Variants in TAAR5 observed in about 807,000 individuals in gnomAD.
TAAR5 encodes the protein trace amine associated receptor 5.
A neutral mutation model predicts 21.1 loss-of-function variants in TAAR5; 27 were observed. The ratio of observed to expected loss-of-function variants is 1.28; its 90% CI spans 0.94 to 1.76. The LOEUF is 1.76. TAAR5 is among the 40% of genes most tolerant of loss of function. TAAR5 has a pLI of 0.00. For synonymous variants in TAAR5, 203 were observed against 167.5 expected, an observed-to-expected ratio of 1.21 and a Z score of -1.64; for missense variants, 495 against 405.6, an observed-to-expected ratio of 1.22 and a Z score of -1.89.
rs1464228011 is a variant in TAAR5 at position 132,588,786 on chromosome 6, T to C, written c.901A>G (p.Asn301Asp). ...TAGGAAAAGACATAGATGATGGGGT[T>C]GCAGGCTGAGTTGAAGTAAGCAAAC... ...IWFAYFNSAC[N>D]PIIYVFSYQW... Residue 301 changes from asparagine (N) to aspartate (D), a missense_variant, in exon 1 of 1, where the codon AAC (asparagine) becomes GAC (aspartate). Asn to Asp is a conservative substitution (Grantham distance 23). Transcript: ENST00000258034. The C allele has an allele frequency of 3.1e-6, 5 of 1,614,100 alleles. No individual in the cohort carries two copies. The highest frequency in any genetic ancestry group is 4.2e-6 in the Non-Finnish European group (5 of 1,180,012).
Position 132,588,841 on chromosome 6 carries a change from T to C in TAAR5, c.846A>G (p.Thr282=), listed in dbSNP as rs939379422. ...TMVDSLLHFI[T]PPLVFDIFIW... ...TAAAGATGTCAAAGACCAGTGGGGG[T>C]GTGATAAAGTGAAGGAGGCTGTCGA... The change falls in exon 1 of 1, where the codon ACA becomes ACG. Residue 282 remains threonine, a synonymous_variant. Coordinates refer to ENST00000258034, the MANE Select transcript of TAAR5 (RefSeq NM_003967.3). 2 of 1,612,908 alleles carry C rather than the reference T, an allele frequency of 1.2e-6. No individual in the cohort carries two copies. Among genetic ancestry groups the C allele is most frequent in the African/African-American group, 2.7e-5 (2 of 74,520 alleles).
chr6:132,605,611 T>G, the TAAR5 span, among the ~76,000 whole-genome samples: 9 of 151,956 alleles, frequency 5.9e-5, no homozygotes, highest in Admixed American at 2.0e-4. Flanking sequence ...CACACACACA[T>G]GCACACACAC....
At chr6:132,599,323 C>CT in the TAAR5 span, among the ~76,000 whole-genome samples, 463 of 98,462 alleles carry the variant, frequency 4.7e-3, 11 homozygotes, top group Middle Eastern at 0.013. Context: ...CTTTTCTTTT[C>CT]TTTTTTTTTT....
Position 132,589,247 on chromosome 6 carries a change from G to A in TAAR5, c.440C>T (p.Thr147Ile). Residue 147 changes from threonine to isoleucine, a missense_variant, in exon 1 of 1, where the codon ACA (threonine) becomes ATA (isoleucine). Thr to Ile is a moderately conservative substitution (Grantham distance 89). Transcript: ENST00000258034. ...GATGTACCTGAGAGCCACCCTCACT[G>A]TGAACTTGGAGGGATAGAGCAGGGG... ...CDPLLYPSKF[T>I]VRVALRYILA... The A allele has an allele frequency of 6.2e-7, 1 of 1,607,992 alleles. No homozygotes were observed. The highest frequency in any genetic ancestry group is 8.5e-7 in the Non-Finnish European group (1 of 1,176,784).
chr6:132,616,432 G>A, the TAAR5 span, among the ~76,000 whole-genome samples: 1 of 152,160 alleles, frequency 6.6e-6, no homozygotes, highest in East Asian at 1.9e-4. Flanking sequence ...AAATGTGGAT[G>A]AGCCTACGGA....
At chr6:132,600,701 A>G in the TAAR5 span, among the ~76,000 whole-genome samples, 2 of 151,990 alleles carry the variant, frequency 1.3e-5, no homozygotes, top group South Asian at 2.1e-4. Flanking sequence ...AAGAAGAAAA[A>G]AACTAATATA....
At chr6:132,607,911 A>G in the TAAR5 span, among the ~76,000 whole-genome samples, 89 of 152,322 alleles carry the variant, frequency 5.8e-4, no homozygotes, top group African/African-American at 2.1e-3. Context: ...ACTTTTTAAA[A>G]AATTCTTATA....
the TAAR5 span, chr6:132,595,245 G>A: frequency 6.5e-6 from 1 of 153,686 alleles, no homozygotes; most frequent in African/African-American, 2.4e-5. Flanking sequence ...TCGGGGAGTG[G>A]AGCTGCTTGA....
the TAAR5 span, among the ~76,000 whole-genome samples, chr6:132,602,141 C>T: frequency 6.6e-6 from 1 of 152,020 alleles, no homozygotes; most frequent in Non-Finnish European, 1.5e-5. Flanking sequence ...AAGCAGCCAT[C>T]CCCAACCTTT....
At chr6:132,608,093 A>G in the TAAR5 span, 7 of 336,962 alleles carry the variant, frequency 2.1e-5, no homozygotes, top group Non-Finnish European at 4.0e-5. Flanking sequence ...TAGTGAATGT[A>G]CCTCTTGTGT....
At chr6:132,595,989 T>A in the TAAR5 span, among the ~76,000 whole-genome samples, 2,950 of 152,312 alleles carry the variant, frequency 0.019, 42 homozygotes, top group Middle Eastern at 0.058. Flanking sequence ...GAAACATTTA[T>A]CTCTCCAGTA....
At chr6:132,590,086 G>T (rs989212643), upstream of TAAR5, among the ~76,000 whole-genome samples, 1 of 152,178 alleles carries the variant, frequency 6.6e-6, no homozygotes, top group African/African-American at 2.4e-5. Context: ...TTTTGATAAG[G>T]TATTTTTTGT....
the TAAR5 span, among the ~76,000 whole-genome samples, chr6:132,612,930 A>G: frequency 2.0e-5 from 3 of 152,190 alleles, no homozygotes; most frequent in Non-Finnish European, 2.9e-5. Flanking sequence ...CTTATTGATC[A>G]CAGTCACGAC....
the TAAR5 span, among the ~76,000 whole-genome samples, chr6:132,597,248 A>T: frequency 7.2e-5 from 11 of 152,314 alleles, no homozygotes; most frequent in African/African-American, 2.6e-4. Context: ...ATAATAAGGA[A>T]ATGGTTAAAC....
the TAAR5 span, among the ~76,000 whole-genome samples, chr6:132,612,701 C>G: frequency 6.6e-6 from 1 of 152,156 alleles, no homozygotes; most frequent in African/African-American, 2.4e-5. Context: ...TGTCTTGGCT[C>G]TTTTCAGTCC....
At chr6:132,608,565 T>C in the TAAR5 span, 2 of 455,974 alleles carry the variant, frequency 4.4e-6, no homozygotes, top group Non-Finnish European at 8.8e-6. Flanking sequence ...CTGCCCCCTT[T>C]GTGTTTTCAG....
At chr6:132,610,021 T>C in the TAAR5 span, among the ~76,000 whole-genome samples, 1 of 152,152 alleles carries the variant, frequency 6.6e-6, no homozygotes, top group Admixed American at 6.5e-5. Context: ...TCTGAGATTC[T>C]AACTAGTGAA....
rs1275822291 is a variant in TAAR5 at position 132,588,822 on chromosome 6, T to C, written c.865A>G (p.Ile289Val). The C allele has an allele frequency of 8.1e-6, 13 of 1,614,110 alleles. No individual in the cohort carries two copies. The highest frequency in any genetic ancestry group is 3.3e-5 in the Admixed American group (2 of 60,014). ...TTGAAGTAAGCAAACCAGATAAAGA[T>C]GTCAAAGACCAGTGGGGGTGTGATA... ...HFITPPLVFD[I>V]FIWFAYFNSA... Residue 289 changes from isoleucine to valine, a missense_variant, in exon 1 of 1, where the codon ATC becomes GTC. Ile to Val is a conservative substitution (Grantham distance 29). Transcript: ENST00000258034.
In TAAR5 at chr6:132,589,152, G is replaced by C; in HGVS notation, c.535C>G (p.Leu179Val). 6.2e-7 allele frequency: 1 copy of C among 1,610,984 alleles called. No homozygotes were observed. Among genetic ancestry groups the C allele is most frequent in the East Asian group, 2.2e-5 (1 of 44,838 alleles). ...GGCATCTCTTCCAGCCACTGGCTGA[G>C]CCTTGTCTCTACCACATCTGTGTAG... ...FLYTDVVETRLSQWLEEMPCV... is the reference protein window; with the variant it reads ...FLYTDVVETRVSQWLEEMPCV... The change falls in exon 1 of 1, where the codon CTC becomes GTC. Residue 179 changes from leucine to valine, a missense_variant. Physicochemically the swap from Leu to Val is conservative, Grantham distance 32. Transcript: ENST00000258034.
Sources: allele counts gnomAD v4.1 joint callset (sites outside exome capture counted in the v4.1 genomes callset), GRCh38; gene constraint gnomAD v4.1.1; transcripts MANE v1.5; gene names NCBI Gene and HGNC (gene_info 2026-07-23, HGNC 2026-07-21).